The following MIDEAS variants were observed in gnomAD, a reference collection of about 807,000 sequenced individuals.
The protein encoded by MIDEAS is mitotic deacetylase associated SANT domain protein.
In MIDEAS, 26 loss-of-function variants were observed where a neutral mutation model predicts 102.7. The ratio of observed to expected loss-of-function variants is 0.25; its 90% CI spans 0.19 to 0.35. The LOEUF is 0.35. MIDEAS is among the 10% of genes least tolerant of loss of function. The pLI is 1.00. For missense variants in MIDEAS, 1,231 were observed against 1,435.6 expected, an observed-to-expected ratio of 0.86 and a Z score of 2.30; for synonymous variants, 585 against 591.0, an observed-to-expected ratio of 0.99 and a Z score of 0.15.
upstream of MIDEAS, among the ~76,000 whole-genome samples, chr14:73,764,351 A>AC (rs1428278217): frequency 4.2e-4 from 63 of 151,200 alleles, 1 homozygote; most frequent in African/African-American, 1.4e-3. Context: ...AAAAAAAAAA[A>AC]AAAAAAAAAA....
intron 1 of MIDEAS, among the ~76,000 whole-genome samples, chr14:73,786,526 C>A (rs1292893747): frequency 6.6e-6 from 1 of 152,152 alleles, no homozygotes; most frequent in Non-Finnish European, 1.5e-5. Context: ...AAGGGGGAGT[C>A]AGGAGCGATT....
upstream of MIDEAS, among the ~76,000 whole-genome samples, chr14:73,761,686 AG>A (rs1192188214): frequency 6.6e-6 from 1 of 152,210 alleles, no homozygotes; most frequent in Non-Finnish European, 1.5e-5. Flanking sequence ...TACAAAAAAA[AG>A]CCCGGGCTCC....
In MIDEAS at chr14:73,756,267, AGTGTGTGTGTGTGTGT is replaced by A. The variant is rs772519833; in HGVS notation, c.-248+3480_-248+3495del. Among the ~76,000 whole-genome samples, 55 of 141,130 alleles carry A rather than the reference AGTGTGTGTGTGTGTGT, an allele frequency of 3.9e-4. 1 individual carries two copies. The highest frequency in any genetic ancestry group is 1.4e-3 in the African/African-American group (55 of 38,368). 92.6% of individuals were successfully genotyped at this position (141,130 alleles called of 152,430 possible). A position where few individuals can be genotyped will look rare whatever the true frequency, so the allele number is the denominator to read the frequency against. On this transcript the variant is annotated intron_variant, in intron 1 of 12. Transcript: ENST00000423556. ...GTGTGTGACTGCGAGAGCCCATGTC[AGTGTGTGTGTGTGTGT>A]GTGTGTGTGTGTGCGCGCGCGCGTG...
At chr14:73,732,161 CT>C (rs1718445722) in intron 3 of MIDEAS, among the ~76,000 whole-genome samples, 1 of 152,104 alleles carries the variant, frequency 6.6e-6, no homozygotes, top group Admixed American at 6.5e-5. Context: ...CTACCACAAA[CT>C]TTTCCTCAAC....
intron 1 of MIDEAS, among the ~76,000 whole-genome samples, chr14:73,786,326 T>C (rs2053808678): frequency 6.6e-6 from 1 of 152,244 alleles, no homozygotes; most frequent in Middle Eastern, 3.2e-3. Flanking sequence ...AGCACATTCC[T>C]GCAGCCCTTG....
At chr14:73,789,302 G>A (rs997350649), upstream of MIDEAS, among the ~76,000 whole-genome samples, 4 of 152,166 alleles carry the variant, frequency 2.6e-5, no homozygotes, top group Admixed American at 6.5e-5. Flanking sequence ...CTCACTGTGG[G>A]GGAAGCCAAC....
upstream of MIDEAS, chr14:73,789,005 A>C (rs774408602): frequency 6.6e-5 from 10 of 152,176 alleles, no homozygotes; most frequent in Non-Finnish European, 1.3e-4. Flanking sequence ...TTACACATAC[A>C]TTGCTTTTTT....
intron 11 of MIDEAS, among the ~76,000 whole-genome samples, chr14:73,720,977 T>C (rs1238454291): frequency 6.6e-6 from 1 of 152,166 alleles, no homozygotes; most frequent in African/African-American, 2.4e-5. Flanking sequence ...TACTGGGTTT[T>C]CACAAAACCT....
At chr14:73,767,971 C>T (rs1435348711) in intron 1 of MIDEAS, among the ~76,000 whole-genome samples, 1 of 152,112 alleles carries the variant, frequency 6.6e-6, no homozygotes, top group Non-Finnish European at 1.5e-5. Context: ...CCAGCCTGGG[C>T]CACATGGTGA....
chr14:73,772,199 G>T (rs2140169301), intron 1 of MIDEAS, among the ~76,000 whole-genome samples: 1 of 152,328 alleles, frequency 6.6e-6, no homozygotes, highest in African/African-American at 2.4e-5. Context: ...TGGTTTTCCT[G>T]GTAGTAACAG....
intron 1 of MIDEAS, among the ~76,000 whole-genome samples, chr14:73,785,670 TC>T (rs1292480949): frequency 2.0e-5 from 3 of 152,178 alleles, no homozygotes; most frequent in Admixed American, 6.6e-5. Context: ...CAAACAGCTT[TC>T]CCGTTTAGAG....
chr14:73,752,707 G>A (rs1309586440), intron 1 of MIDEAS, among the ~76,000 whole-genome samples: 2 of 152,204 alleles, frequency 1.3e-5, no homozygotes, highest in Admixed American at 6.5e-5. Context: ...CCCTTCCTCA[G>A]GCCCTGGTCA....
At chr14:73,766,594 G>T (rs1314304669) in intron 1 of MIDEAS, among the ~76,000 whole-genome samples, 1 of 151,488 alleles carries the variant, frequency 6.6e-6, no homozygotes, top group Non-Finnish European at 1.5e-5. Flanking sequence ...CTGTTACCCA[G>T]GCTGGAGTGC....
At chr14:73,775,989 C>T (rs137968440) in intron 1 of MIDEAS, among the ~76,000 whole-genome samples, 1 of 152,106 alleles carries the variant, frequency 6.6e-6, no homozygotes, top group African/African-American at 2.4e-5. Context: ...ACCTGGGCAG[C>T]TTAGACACCA....
chr14:73,787,166 TCTAA>T (rs1368001600), exon 1 of MIDEAS: 1 of 149,374 alleles, frequency 6.7e-6, no homozygotes, highest in Non-Finnish European at 1.5e-5. Context: ...GCCCGCAGAC[TCTAA>T]CTTTGTTGCT....
intron 12 of MIDEAS, 95 bp from the exon 13 acceptor site, chr14:73,719,103 C>A (rs991395329): frequency 2.7e-6 from 4 of 1,454,584 alleles, no homozygotes; most frequent in East Asian, 2.5e-5. Context: ...CCTTCACCCC[C>A]ACGCTGCACA....
chr14:73,752,870 A>G lies in MIDEAS; in HGVS notation c.-248+6893T>C, dbSNP rs145879025. ...TTGGCACAGCATGCGGGCACAGCAG[A>G]GCATCCAGCCCAAGCCCCAAGTACA... is the stretch of plus-strand genomic sequence containing the variant. On this transcript the variant is annotated intron_variant, in intron 1 of 12. Coordinates refer to ENST00000423556, the MANE Select transcript of MIDEAS (RefSeq NM_001367710.1). 3.0e-3 allele frequency among the ~76,000 whole-genome samples: 454 copies of G among 152,342 alleles called. 4 individuals are homozygous for G. The highest frequency in any genetic ancestry group is 0.01 in the African/African-American group (435 of 41,568).
chr14:73,750,076 TCCAAAAGACAGATCCTTC>T, intron 1 of MIDEAS, among the ~76,000 whole-genome samples: 1 of 152,196 alleles, frequency 6.6e-6, no homozygotes, highest in African/African-American at 2.4e-5. Context: ...CTACAAAATA[TCCAAAAGACAGATCCTTC>T]CCAAAAGAAG....
At chr14:73,767,029 A>G (rs1394342062) in intron 1 of MIDEAS, among the ~76,000 whole-genome samples, 1 of 150,508 alleles carries the variant, frequency 6.6e-6, no homozygotes, top group Non-Finnish European at 1.5e-5. Context: ...TAATTTTTGT[A>G]TTTTTAGTAG....
Sources: gnomAD v4.1 joint callset for allele counts (sites outside exome capture counted in the v4.1 genomes callset) on GRCh38, gnomAD v4.1.1 for gene constraint, MANE v1.5 for transcripts, NCBI Gene and HGNC (gene_info 2026-07-23, HGNC 2026-07-21) for gene names.